Variants in TDG observed in about 807,000 individuals in gnomAD.
The protein encoded by TDG is G/T mismatch-specific thymine DNA glycosylase.
A neutral mutation model predicts 46.1 loss-of-function variants in TDG; 23 were observed. The ratio of observed to expected loss-of-function variants is 0.50; its 90% CI spans 0.36 to 0.71. TDG has a LOEUF of 0.71. TDG is among the 30% of genes least tolerant of loss of function. The pLI is 0.00. For missense variants in TDG, 304 were observed against 486.7 expected (o/e 0.62, Z 3.53); for synonymous variants, 115 against 161.3 (o/e 0.71, Z 2.18).
intron 8 of TDG, 65 bp downstream of exon 8, chr12:103,984,985 A>G: frequency 4.0e-6 from 5 of 1,254,490 alleles, no homozygotes; most frequent in Non-Finnish European, 4.2e-6. Context: ...ATATACTTAC[A>G]TATATATACA....
chr12:103,972,932 G>A (rs1007968831), intron 1 of TDG: 11 of 693,608 alleles, frequency 1.6e-5, no homozygotes, highest in East Asian at 2.7e-5. Flanking sequence ...TAATGTGAAC[G>A]GTGTCTCCCT....
chr12:103,972,560 A>G (rs892786731), intron 1 of TDG, among the ~76,000 whole-genome samples: 8 of 152,238 alleles, frequency 5.3e-5, no homozygotes, highest in Non-Finnish European at 7.3e-5. Context: ...GAGGTAAACA[A>G]ACTAAGTTTA....
rs1169192839 is a variant in TDG at position 103,988,709 on chromosome 12, G to T, written c.*1619G>T. On this transcript the variant is annotated 3_prime_UTR_variant, in exon 10 of 10. Coordinates refer to ENST00000392872, the MANE Select transcript of TDG (RefSeq NM_003211.6). The stretch of plus-strand genomic sequence containing the variant: ...ATGGGTTTGAGGATTTTCCAAGCGT[G>T]TAATAATGATGTTTTTCCTAACATG... 1 of 152,542 alleles carries T rather than the reference G, an allele frequency of 6.6e-6. No homozygotes were observed. The highest frequency in any genetic ancestry group is 2.4e-5 in the African/African-American group (1 of 41,484). 9.4% of individuals were successfully genotyped at this position (152,542 alleles called of 1,614,324 possible).
chr12:103,969,477 T>G (rs751214856), intron 1 of TDG, among the ~76,000 whole-genome samples: 10 of 152,248 alleles, frequency 6.6e-5, no homozygotes, highest in Non-Finnish European at 1.0e-4. Context: ...TCCCTAACTT[T>G]GTTCCTTTCA....
In TDG at chr12:103,988,240, C is replaced by G. The variant is rs1406805179; in HGVS notation, c.*1150C>G. On this transcript the variant is annotated 3_prime_UTR_variant, in exon 10 of 10. Transcript: ENST00000392872. ...TGTTATTTGCATCCTCTCAGTTACT[C>G]CTGAATATTCTGATTTCATACGTAC... 2 of 152,288 alleles carry G rather than the reference C, an allele frequency of 1.3e-5. No homozygotes were observed. The highest frequency in any genetic ancestry group is 2.9e-5 in the Non-Finnish European group (2 of 67,992). 9.4% of individuals were successfully genotyped at this position (152,288 alleles called of 1,614,324 possible). A position where few individuals can be genotyped will look rare whatever the true frequency, so the allele number is the denominator to read the frequency against.
Position 103,985,700 on chromosome 12 carries a change from A to AT in TDG, c.1062_1063insT (p.Pro355SerfsTer11). The AT allele has an allele frequency of 1.9e-6, 3 of 1,613,966 alleles. No individual in the cohort carries two copies. The highest frequency in any genetic ancestry group is 1.7e-5 in the Admixed American group (1 of 60,024). Reference sequence around the variant, plus strand: ...ACGGAGAAAATCCATGCAGCAGTGAACCTTGTGGCTTCTCTTCAAATGGGC... The same window carrying AT: ...ACGGAGAAAATCCATGCAGCAGTGAATCCTTGTGGCTTCTCTTCAAATGGGC... On this transcript the variant is annotated frameshift_variant, in exon 9 of 10. Coordinates refer to ENST00000392872, the MANE Select transcript of TDG (RefSeq NM_003211.6). LOFTEE classifies it low-confidence loss of function (END_TRUNC).
chr12:103,980,986 AT>A (rs759783467), intron 4 of TDG, 24 bp downstream of exon 4: 2 of 1,590,352 alleles, frequency 1.3e-6, no homozygotes, highest in South Asian at 1.2e-5. Flanking sequence ...TTTTAAATTA[AT>A]TTACTTTTAA....
rs1261096613 is a variant in TDG, at chr12:103,988,363, G to A, written c.*1273G>A. 33 of 152,808 alleles carry A rather than the reference G, an allele frequency of 2.2e-4. No homozygotes were observed. The highest frequency in any genetic ancestry group is 7.5e-4 in the African/African-American group (31 of 41,598). The allele number at this position is 152,808 out of a possible 1,614,324, so 9.5% of individuals were successfully genotyped here. On this transcript the variant is annotated 3_prime_UTR_variant, in exon 10 of 10. Transcript: ENST00000392872. ...GATTGCTCTTCTCTTTATAATAAGA[G>A]AAACAAATTCTTATTGTGAATCTTA...
chr12:103,986,012 T>C (rs1593519989), intron 9 of TDG, among the ~76,000 whole-genome samples: 1 of 152,134 alleles, frequency 6.6e-6, no homozygotes, highest in Admixed American at 6.5e-5. Flanking sequence ...CTCCCCCTCC[T>C]GGGTTCACAC....
chr12:103,966,751 G>T (rs188060957), intron 1 of TDG, among the ~76,000 whole-genome samples: 5 of 152,198 alleles, frequency 3.3e-5, no homozygotes, highest in Non-Finnish European at 7.4e-5. Context: ...TATGGTGACA[G>T]TTTTTTAAAA....
chr12:103,982,733 C>G (rs890142997), intron 4 of TDG, 66 bp from the exon 5 acceptor site: 7 of 1,561,068 alleles, frequency 4.5e-6, no homozygotes, highest in Non-Finnish European at 6.1e-6. Context: ...CCACTACACT[C>G]TAGCCTGGGT....
intron 4 of TDG, among the ~76,000 whole-genome samples, chr12:103,982,060 T>C (rs4135106): frequency 0.052 from 7,845 of 152,252 alleles, 276 homozygotes; most frequent in Non-Finnish European, 0.074. Flanking sequence ...TAACTACTGT[T>C]GCATTGCCTT....
intron 1 of TDG, among the ~76,000 whole-genome samples, chr12:103,974,100 C>T (rs1026910059): frequency 5.3e-5 from 8 of 152,136 alleles, no homozygotes; most frequent in Non-Finnish European, 8.8e-5. Context: ...GAGCTGCCAA[C>T]ATTTAGCCCA....
Position 103,983,362 on chromosome 12 carries a change from GC to G in TDG, c.769del (p.His257IlefsTer34). 6.3e-7 allele frequency: 1 copy of G among 1,592,860 alleles called. No individual in the cohort carries two copies. The highest frequency in any genetic ancestry group is 1.2e-5 in the South Asian group (1 of 86,144). On this transcript the variant is annotated frameshift_variant, in exon 7 of 10. Coordinates refer to ENST00000392872, the MANE Select transcript of TDG (RefSeq NM_003211.6). LOFTEE classifies it high-confidence loss of function. ...KVKNLEFGLQ[P>X]HKIPDTETLC... ...TTAAGAACTTGGAATTTGGGCTTCA[GC>G]CCCATAAGATTCCAGACACAGAAAC...
intron 1 of TDG, among the ~76,000 whole-genome samples, chr12:103,966,827 C>T (rs1871057003): frequency 6.6e-6 from 1 of 152,068 alleles, no homozygotes; most frequent in African/African-American, 2.4e-5. Context: ...AAGAATTATC[C>T]TGACTCTCAG....
At chr12:103,966,211 T>A in intron 1 of TDG, 151 bp downstream of exon 1, 1 of 1,090,372 alleles carries the variant, frequency 9.2e-7, no homozygotes, top group Non-Finnish European at 1.2e-6. Context: ...GGTCGGCCTT[T>A]CCTTCCCTGG....
intron 2 of TDG, among the ~76,000 whole-genome samples, chr12:103,979,577 G>A (rs1009721435): frequency 1.3e-5 from 2 of 152,002 alleles, no homozygotes; most frequent in African/African-American, 2.4e-5. Context: ...ATACTGTGTC[G>A]AAAATAATAG....
At position 103,986,983 on chromosome 12, in the gene TDG, A is replaced by C; in HGVS notation, c.1126A>C (p.Ser376Arg). 1 of 1,614,272 alleles carries C rather than the reference A, an allele frequency of 6.2e-7. No individual in the cohort carries two copies. Among genetic ancestry groups the C allele is most frequent in the Non-Finnish European group, 8.5e-7 (1 of 1,180,046 alleles). Reference protein sequence around the residue: ...SVELRGESAFSGIPNGQWMTQ... With the variant: ...SVELRGESAFRGIPNGQWMTQ... The stretch of plus-strand genomic sequence containing the variant: ...GGAGTTAAGAGGAGAATCAGCTTTC[A>C]GTGGCATTCCTAATGGGCAGTGGAT... The change falls in exon 10 of 10, where the codon AGT becomes CGT. Residue 376 changes from serine to arginine, a missense_variant. Ser to Arg is a moderately radical substitution (Grantham distance 110). Transcript: ENST00000392872.
chr12:103,976,824 T>A (rs1871567078), intron 1 of TDG, 94 bp from the exon 2 acceptor site: 11 of 1,463,386 alleles, frequency 7.5e-6, no homozygotes, highest in Non-Finnish European at 1.0e-5. Flanking sequence ...TACAAAATAC[T>A]TAATACTGTA....
Sources: allele counts gnomAD v4.1 joint callset (sites outside exome capture counted in the v4.1 genomes callset), GRCh38; gene constraint gnomAD v4.1.1; transcripts MANE v1.5; gene names NCBI Gene and HGNC (gene_info 2026-07-23, HGNC 2026-07-21).